The following CCSER1 variants were observed in gnomAD, a reference collection of about 807,000 sequenced individuals.
The protein encoded by CCSER1 is serine-rich coiled-coil domain-containing protein 1.
In CCSER1, 41 loss-of-function variants were observed where a neutral mutation model predicts 82.0. The ratio of observed to expected loss-of-function variants is 0.50; its 90% CI spans 0.39 to 0.65. The LOEUF (loss-of-function observed/expected upper bound fraction) is 0.65, where lower values mean the gene tolerates loss of function less well. CCSER1 is among the 30% of genes least tolerant of loss of function. The pLI, the probability that CCSER1 is intolerant of heterozygous loss-of-function variation, is 0.00. For synonymous variants in CCSER1, 414 were observed against 383.9 expected (o/e 1.08, Z -0.92); for missense variants, 1,119 against 1,064.2 (o/e 1.05, Z -0.72).
At chr4:91,446,497 A>G (rs1755561731) in intron 10 of CCSER1, among the ~76,000 whole-genome samples, 1 of 151,734 alleles carries the variant, frequency 6.6e-6, no homozygotes, top group South Asian at 2.1e-4. Flanking sequence ...AATTCAATAA[A>G]TTTTAAAACG....
intron 10 of CCSER1, among the ~76,000 whole-genome samples, chr4:91,378,563 G>A (rs1014434575): frequency 2.0e-5 from 3 of 152,132 alleles, no homozygotes; most frequent in African/African-American, 7.2e-5. Context: ...TCTGTTATTG[G>A]TGTATAAGAA....
chr4:90,817,707 G>A (rs17017681), intron 8 of CCSER1, among the ~76,000 whole-genome samples: 50,750 of 151,814 alleles, frequency 0.33, 8,627 homozygotes, highest in East Asian at 0.42. Flanking sequence ...TATGTAATTG[G>A]TGATTCAAGA....
Position 90,437,604 on chromosome 4 carries a change from T to C in CCSER1, c.1604-30630T>C, listed in dbSNP as rs985267456. On this transcript the variant is annotated intron_variant, in intron 4 of 10. Coordinates refer to ENST00000509176, the MANE Select transcript of CCSER1 (RefSeq NM_001145065.2). ...TTTTGGGAAGGTTCCAGATAATGCA[T>C]ATAATGTGGTCAGCATAGTCATTTC... is the stretch of plus-strand genomic sequence containing the variant. 2.6e-5 allele frequency among the ~76,000 whole-genome samples: 4 copies of C among 152,276 alleles called. No individual in the cohort carries two copies. The East Asian group carries it at 7.7e-4, about 29-fold the overall frequency.
chr4:91,270,526 T>G (rs1741942090), intron 10 of CCSER1, among the ~76,000 whole-genome samples: 1 of 152,176 alleles, frequency 6.6e-6, no homozygotes. Flanking sequence ...GACAGACTCA[T>G]GTGCTTATTA....
chr4:90,241,833 C>T (rs925669450), intron 1 of CCSER1, among the ~76,000 whole-genome samples: 1 of 152,016 alleles, frequency 6.6e-6, no homozygotes, highest in African/African-American at 2.4e-5. Flanking sequence ...ATAGGTGATG[C>T]TATAAAAACT....
At chr4:91,173,412 G>C (rs186452360) in intron 10 of CCSER1, among the ~76,000 whole-genome samples, 3 of 152,072 alleles carry the variant, frequency 2.0e-5, no homozygotes, top group Non-Finnish European at 4.4e-5. Flanking sequence ...GGCTAACACG[G>C]TGAAACCCCG....
chr4:91,153,072 G>A (rs1273353354), intron 10 of CCSER1, among the ~76,000 whole-genome samples: 4 of 151,812 alleles, frequency 2.6e-5, no homozygotes, highest in African/African-American at 4.8e-5. Context: ...GCTAATTTGG[G>A]GAAGTTCTCC....
intron 10 of CCSER1, among the ~76,000 whole-genome samples, chr4:91,254,657 A>C (rs183024781): frequency 2.4e-4 from 36 of 152,240 alleles, no homozygotes; most frequent in Admixed American, 2.0e-3. Flanking sequence ...ATTTAATAGC[A>C]CTGAACTGCA....
chr4:91,085,575 G>A (rs1231265012), intron 9 of CCSER1, among the ~76,000 whole-genome samples: 4 of 151,994 alleles, frequency 2.6e-5, no homozygotes, highest in Non-Finnish European at 4.4e-5. Context: ...ACTTTGTTTG[G>A]GCGCTGAGAT....
At chr4:90,628,389 T>C (rs953374946) in intron 6 of CCSER1, among the ~76,000 whole-genome samples, 157 bp downstream of exon 6, 1 of 152,058 alleles carries the variant, frequency 6.6e-6, no homozygotes, top group Non-Finnish European at 1.5e-5. Flanking sequence ...GTCAAATGAG[T>C]GTTTTGAAGT....
intron 3 of CCSER1, among the ~76,000 whole-genome samples, chr4:90,354,407 G>A (rs549230597): frequency 5.3e-5 from 8 of 152,128 alleles, no homozygotes; most frequent in Non-Finnish European, 1.2e-4. Context: ...GGGATTTAAT[G>A]TACAGCATGG....
intron 1 of CCSER1, among the ~76,000 whole-genome samples, chr4:90,192,853 A>C (rs969102219): frequency 6.6e-6 from 1 of 152,086 alleles, no homozygotes; most frequent in African/African-American, 2.4e-5. Context: ...GTATGCCACC[A>C]GTATTTTCCC....
intron 4 of CCSER1, among the ~76,000 whole-genome samples, chr4:90,406,741 C>G (rs1753799456): frequency 6.6e-6 from 1 of 152,138 alleles, no homozygotes; most frequent in African/African-American, 2.4e-5. Flanking sequence ...ATTAAATAAC[C>G]TGCTTCTGCA....
intron 1 of CCSER1, among the ~76,000 whole-genome samples, chr4:90,189,121 T>C (rs560905833): frequency 6.6e-6 from 1 of 152,132 alleles, no homozygotes; most frequent in Non-Finnish European, 1.5e-5. Context: ...TTTTTTAAAC[T>C]CTTTGACTGC....
Position 91,243,804 on chromosome 4 carries a change from G to T in CCSER1, c.2217+157810G>T, listed in dbSNP as rs531850451. 2.0e-5 allele frequency among the ~76,000 whole-genome samples: 3 copies of T among 152,274 alleles called. No homozygotes were observed. In the East Asian group the frequency reaches 5.8e-4, roughly 29 times the overall value. On this transcript the variant is annotated intron_variant, in intron 10 of 10. Coordinates refer to ENST00000509176, the MANE Select transcript of CCSER1 (RefSeq NM_001145065.2). ...TGGTGGGCCTTTGCCTCTGAGACAT[G>T]CTGGCTTCAAGGGTGACCTAGCACG...
intron 5 of CCSER1, among the ~76,000 whole-genome samples, chr4:90,489,241 A>C (rs1767584693): frequency 6.6e-6 from 1 of 152,198 alleles, no homozygotes; most frequent in Non-Finnish European, 1.5e-5. Context: ...TGAAGAGAAA[A>C]TATTTCTGCA....
chr4:90,998,176 G>A (rs1737668117), intron 9 of CCSER1, among the ~76,000 whole-genome samples: 1 of 152,080 alleles, frequency 6.6e-6, no homozygotes. Context: ...TGCCACCCGA[G>A]TTCAAGCAAT....
chr4:90,970,191 G>A (rs1370000891), intron 9 of CCSER1, among the ~76,000 whole-genome samples: 4 of 151,844 alleles, frequency 2.6e-5, no homozygotes, highest in Admixed American at 1.3e-4. Context: ...CGATCAAACA[G>A]TGTGCTTCCT....
chr4:91,318,723 A>G (rs1221016928), intron 10 of CCSER1, among the ~76,000 whole-genome samples: 5 of 151,998 alleles, frequency 3.3e-5, no homozygotes, highest in Non-Finnish European at 7.4e-5. Flanking sequence ...ATAACTTTTT[A>G]TATGTTGTTT....
Sources: gnomAD v4.1 joint callset for allele counts (sites outside exome capture counted in the v4.1 genomes callset) on GRCh38, gnomAD v4.1.1 for gene constraint, MANE v1.5 for transcripts, NCBI Gene and HGNC (gene_info 2026-07-23, HGNC 2026-07-21) for gene names.